The following RPS6KC1 variants were observed in gnomAD, a reference collection of about 807,000 sequenced individuals.
The protein encoded by RPS6KC1 is ribosomal protein S6 kinase C1, also known as inactive ribosomal protein S6 kinase delta-1.
In RPS6KC1, 54 loss-of-function variants were observed where a neutral mutation model predicts 103.8. The observed-to-expected ratio is 0.52, with a 90% CI of 0.42 to 0.65. The LOEUF (loss-of-function observed/expected upper bound fraction) is 0.65. RPS6KC1 is among the 30% of genes least tolerant of loss of function. The probability of loss-of-function intolerance (pLI) is 0.00; values close to 1 mark genes in which losing one functional copy is unlikely to be tolerated. For synonymous variants in RPS6KC1, 439 were observed against 438.7 expected (o/e 1.00, Z -0.01); for missense variants, 1,151 against 1,253.8 (o/e 0.92, Z 1.24).
intron 1 of RPS6KC1, among the ~76,000 whole-genome samples, chr1:213,067,698 A>G (rs964034586): frequency 6.6e-6 from 1 of 152,220 alleles, no homozygotes; most frequent in Non-Finnish European, 1.5e-5. Context: ...CCACTAGACT[A>G]TGAGCTCCAG....
At chr1:213,421,405 G>A in the RPS6KC1 span, among the ~76,000 whole-genome samples, 11 of 152,330 alleles carry the variant, frequency 7.2e-5, no homozygotes, top group South Asian at 2.1e-4. Flanking sequence ...GAGCCACTGC[G>A]CCCGGCCCTC....
chr1:213,752,784 A>G, the RPS6KC1 span, among the ~76,000 whole-genome samples: 6 of 152,216 alleles, frequency 3.9e-5, no homozygotes, highest in Admixed American at 3.3e-4. Flanking sequence ...TGGATTGAGC[A>G]TGGGAAAAGG....
At chr1:213,204,816 A>G (rs972371285) in intron 8 of RPS6KC1, among the ~76,000 whole-genome samples, 3 of 151,832 alleles carry the variant, frequency 2.0e-5, no homozygotes, top group Non-Finnish European at 4.4e-5. Context: ...TTTTGTAGAG[A>G]TGGCATCTCG....
chr1:213,723,585 G>T, the RPS6KC1 span, among the ~76,000 whole-genome samples: 1 of 152,068 alleles, frequency 6.6e-6, no homozygotes, highest in Non-Finnish European at 1.5e-5. Flanking sequence ...CCTACTTAAG[G>T]ACCCTATCTC....
intron 8 of RPS6KC1, among the ~76,000 whole-genome samples, chr1:213,209,695 C>CAA (rs60840755): frequency 0.45 from 24,579 of 54,046 alleles, 7,814 homozygotes; most frequent in Non-Finnish European, 0.61. Context: ...AACTCCGTCT[C>CAA]AAAAAAAAAA....
chr1:213,344,655 T>C, the RPS6KC1 span, among the ~76,000 whole-genome samples: 7 of 152,138 alleles, frequency 4.6e-5, no homozygotes, highest in African/African-American at 1.2e-4. Context: ...ATGCTTCAGC[T>C]TCCCTAGTAG....
intron 6 of RPS6KC1, among the ~76,000 whole-genome samples, chr1:213,143,812 G>A (rs1440213948): frequency 6.7e-6 from 1 of 148,784 alleles, no homozygotes; most frequent in African/African-American, 2.5e-5. Context: ...AAATCAAGGT[G>A]TGAGCAGCAC....
chr1:213,830,191 A>G, the RPS6KC1 span, among the ~76,000 whole-genome samples: 1 of 152,174 alleles, frequency 6.6e-6, no homozygotes, highest in Non-Finnish European at 1.5e-5. Context: ...CTCTGTTATT[A>G]TTTTTGAATA....
At chr1:213,534,499 A>C in the RPS6KC1 span, among the ~76,000 whole-genome samples, 7 of 152,204 alleles carry the variant, frequency 4.6e-5, no homozygotes, top group Non-Finnish European at 7.3e-5. Flanking sequence ...GCAAGTTTTC[A>C]AATCCAGATA....
the RPS6KC1 span, among the ~76,000 whole-genome samples, chr1:213,558,039 A>G: frequency 5.9e-5 from 9 of 152,216 alleles, no homozygotes; most frequent in Admixed American, 2.0e-4. Flanking sequence ...ACATCCTTCC[A>G]TGTTACACAC....
At chr1:213,311,169 C>T in the RPS6KC1 span, among the ~76,000 whole-genome samples, 434 of 149,194 alleles carry the variant, frequency 2.9e-3, 2 homozygotes, top group African/African-American at 0.011. Context: ...GACGGAGTCT[C>T]GCTCTGTTGC....
chr1:213,815,798 C>A, the RPS6KC1 span, among the ~76,000 whole-genome samples: 1 of 152,204 alleles, frequency 6.6e-6, no homozygotes, highest in African/African-American at 2.4e-5. Flanking sequence ...AAGAACTTTT[C>A]CTTTGCATTC....
the RPS6KC1 span, among the ~76,000 whole-genome samples, chr1:213,464,230 A>G: frequency 6.6e-6 from 1 of 151,960 alleles, no homozygotes; most frequent in Non-Finnish European, 1.5e-5. Context: ...GTAGCTTTCC[A>G]CCTTTTTTTA....
the RPS6KC1 span, among the ~76,000 whole-genome samples, chr1:213,519,006 C>G: frequency 6.6e-6 from 1 of 152,164 alleles, no homozygotes; most frequent in Non-Finnish European, 1.5e-5. Context: ...TTACTGGCTC[C>G]AGAAAGCATT....
chr1:213,066,029 C>T (rs368166797), intron 1 of RPS6KC1, among the ~76,000 whole-genome samples: 3 of 152,284 alleles, frequency 2.0e-5, no homozygotes, highest in African/African-American at 7.2e-5. Context: ...ATAATAGCTA[C>T]TCCTGCCTAA....
the RPS6KC1 span, among the ~76,000 whole-genome samples, chr1:213,683,437 T>C: frequency 6.6e-6 from 1 of 152,060 alleles, no homozygotes; most frequent in African/African-American, 2.4e-5. Flanking sequence ...TTATGAGAAA[T>C]CCCTATCTTG....
chr1:213,784,192 G>A, the RPS6KC1 span, among the ~76,000 whole-genome samples: 1 of 152,208 alleles, frequency 6.6e-6, no homozygotes, highest in Non-Finnish European at 1.5e-5. Flanking sequence ...CTAAAGAGAA[G>A]GTTGCTCCAT....
the RPS6KC1 span, among the ~76,000 whole-genome samples, chr1:213,851,666 C>A: frequency 6.6e-6 from 1 of 152,142 alleles, no homozygotes; most frequent in African/African-American, 2.4e-5. Flanking sequence ...TCTACTGGAC[C>A]ACCTCAACTT....
chr1:213,512,268 G>A, the RPS6KC1 span, among the ~76,000 whole-genome samples: 6 of 152,202 alleles, frequency 3.9e-5, no homozygotes, highest in Non-Finnish European at 5.9e-5. Context: ...ATGCCCAAAG[G>A]AAGATCCTGG....
Sources: allele counts gnomAD v4.1 joint callset (sites outside exome capture counted in the v4.1 genomes callset), GRCh38; gene constraint gnomAD v4.1.1; transcripts MANE v1.5; gene names NCBI Gene and HGNC (gene_info 2026-07-23, HGNC 2026-07-21).